ATP9A: variants seen among roughly 807,000 people sequenced by gnomAD.
The protein encoded by ATP9A is probable phospholipid-transporting ATPase IIA.
ATP9A carries 52 observed loss-of-function variants against 144.1 expected under a neutral mutation model. The observed-to-expected ratio is 0.36, with a 90% confidence interval of 0.29 to 0.45. ATP9A has a LOEUF of 0.45. Among genes scored for constraint, ATP9A ranks in the 20% least tolerant of loss-of-function variants. The pLI is 1.00. For missense variants in ATP9A, 947 were observed against 1,392.7 expected, an observed-to-expected ratio of 0.68 and a Z score of 5.09; for synonymous variants, 582 against 557.4, an observed-to-expected ratio of 1.04 and a Z score of -0.62.
chr20:51,713,031 TC>T lies in ATP9A; in HGVS notation c.370del (p.Glu124ArgfsTer25), dbSNP rs778873289. On this transcript the variant is annotated frameshift_variant, in exon 4 of 28. Coordinates refer to ENST00000338821, the MANE Select transcript of ATP9A (RefSeq NM_006045.3). LOFTEE classifies it high-confidence loss of function. ...CTTGTCCCGCACGTAGCATCGGATC[TC>T]CTCCACCGCCTCACGGATGACAGTG... ...AVTVIREAVE[E>X]IRCYVRDKEV... The T allele has an allele frequency of 6.2e-7, 1 of 1,613,126 alleles. No homozygotes were observed. The highest frequency in any genetic ancestry group is 8.5e-7 in the Non-Finnish European group (1 of 1,179,698).
chr20:51,763,514 T>C (rs938017648), intron 1 of ATP9A, among the ~76,000 whole-genome samples: 30 of 147,468 alleles, frequency 2.0e-4, no homozygotes, highest in African/African-American at 6.1e-4. Flanking sequence ...GGGTTTCACT[T>C]GTGTTAGCCA....
intron 8 of ATP9A, among the ~76,000 whole-genome samples, chr20:51,689,477 TAGAAAG>T (rs1209962718): frequency 6.6e-6 from 1 of 151,886 alleles, no homozygotes; most frequent in African/African-American, 2.4e-5. Flanking sequence ...TTGTGGCTTA[TAGAAAG>T]AGAATGTGGA....
At chr20:51,718,422 A>T (rs1396503292) in intron 3 of ATP9A, among the ~76,000 whole-genome samples, 1 of 151,824 alleles carries the variant, frequency 6.6e-6, no homozygotes, top group Non-Finnish European at 1.5e-5. Flanking sequence ...ATATTTCTCC[A>T]ATATCATGCG....
intron 4 of ATP9A, among the ~76,000 whole-genome samples, chr20:51,709,492 G>A (rs186543256): frequency 1.3e-5 from 2 of 152,258 alleles, no homozygotes; most frequent in East Asian, 1.9e-4. Context: ...TCCAGCCTGC[G>A]CGAGGGGGTT....
rs1410922247 is a variant in ATP9A at position 51,600,243 on chromosome 20, A to C, written c.*968T>G. ...AGGAAACAGGCTTCTATGGAAGAGA[A>C]GAGTCCCAGCCCCCTGACCTTTCCG... is the stretch of plus-strand genomic sequence containing the variant. On this transcript the variant is annotated 3_prime_UTR_variant, in exon 28 of 28. Transcript: ENST00000338821. 6.6e-6 allele frequency: 1 copy of C among 152,226 alleles called. No homozygotes were observed. The highest frequency in any genetic ancestry group is 1.5e-5 in the Non-Finnish European group (1 of 68,048). The allele number at this position is 152,226 out of a possible 1,614,324, so 9.4% of individuals were successfully genotyped here.
At chr20:51,763,513 T>C (rs541527357) in intron 1 of ATP9A, among the ~76,000 whole-genome samples, 61 of 147,386 alleles carry the variant, frequency 4.1e-4, no homozygotes, top group African/African-American at 1.4e-3. Context: ...GGGGTTTCAC[T>C]TGTGTTAGCC....
At chr20:51,671,313 T>A in intron 11 of ATP9A, 56 bp from the exon 12 acceptor site, 2 of 1,577,922 alleles carry the variant, frequency 1.3e-6, no homozygotes, top group Non-Finnish European at 1.7e-6. Flanking sequence ...GCTCCTTGTA[T>A]CTTTATAAAA....
intron 2 of ATP9A, among the ~76,000 whole-genome samples, chr20:51,726,860 T>C (rs1413758922): frequency 7.0e-6 from 1 of 143,044 alleles, no homozygotes; most frequent in Non-Finnish European, 1.5e-5. Context: ...ATTACAGACC[T>C]AAGCCACTGC....
At chr20:51,695,765 A>G (rs963307147) in intron 6 of ATP9A, among the ~76,000 whole-genome samples, 2 of 152,214 alleles carry the variant, frequency 1.3e-5, no homozygotes, top group African/African-American at 4.8e-5. Context: ...GTTTACTTCT[A>G]CATGGTAGAG....
chr20:51,745,411 A>G (rs2077803807), intron 1 of ATP9A, among the ~76,000 whole-genome samples: 2 of 147,024 alleles, frequency 1.4e-5, no homozygotes, highest in Admixed American at 1.4e-4. Context: ...CTCCAGCCAG[A>G]GTGAGATTCT....
chr20:51,634,402 C>T (rs978663771), intron 15 of ATP9A, among the ~76,000 whole-genome samples: 3 of 152,180 alleles, frequency 2.0e-5, no homozygotes, highest in Non-Finnish European at 4.4e-5. Context: ...ATCAGATGCA[C>T]ACTCAAGATA....
intron 1 of ATP9A, among the ~76,000 whole-genome samples, chr20:51,731,219 G>A (rs768187361): frequency 5.3e-5 from 8 of 151,808 alleles, no homozygotes; most frequent in Non-Finnish European, 1.0e-4. Context: ...CAGGAGAATC[G>A]CTTGAACCCA....
intron 23 of ATP9A, among the ~76,000 whole-genome samples, chr20:51,610,826 C>T (rs1009221954): frequency 3.3e-5 from 5 of 152,104 alleles, no homozygotes; most frequent in South Asian, 2.1e-4. Flanking sequence ...TTACATGTTT[C>T]GGTATTTGGG....
At chr20:51,605,452 T>C (rs2077159414) in intron 26 of ATP9A, among the ~76,000 whole-genome samples, 3 of 152,066 alleles carry the variant, frequency 2.0e-5, no homozygotes. Context: ...AGCCCGTCTC[T>C]ACAAAAAATA....
intron 1 of ATP9A, among the ~76,000 whole-genome samples, chr20:51,750,572 G>A (rs1479598192): frequency 6.6e-6 from 1 of 152,204 alleles, no homozygotes; most frequent in Non-Finnish European, 1.5e-5. Context: ...TGCTGAGTGT[G>A]TGCCAAGCGC....
At chr20:51,633,932 G>C (rs1015188615) in intron 15 of ATP9A, among the ~76,000 whole-genome samples, 16 of 151,420 alleles carry the variant, frequency 1.1e-4, no homozygotes, top group African/African-American at 3.4e-4. Flanking sequence ...GGGAGAGAGA[G>C]AGGGAGGGCA....
chr20:51,638,069 TTTTATATA>T lies in ATP9A; in HGVS notation c.1668+1266_1668+1273del, dbSNP rs1461860413. Among the ~76,000 whole-genome samples, 405 of 73,076 alleles carry T rather than the reference TTTTATATA, an allele frequency of 5.5e-3. 17 individuals carry two copies. Among genetic ancestry groups the T allele is most frequent in the East Asian group, 0.013 (35 of 2,634 alleles). 47.9% of individuals were successfully genotyped at this position (73,076 alleles called of 152,430 possible). A position where few individuals can be genotyped will look rare whatever the true frequency, so the allele number is the denominator to read the frequency against. On this transcript the variant is annotated intron_variant, in intron 15 of 27. Transcript: ENST00000338821. ...TCCATGGCTAAGTAGCATTTCATCATTTTATATATATATATATATATATATATATATAT... is the reference window on the plus strand; with the variant it reads ...TCCATGGCTAAGTAGCATTTCATCATTATATATATATATATATATATATAT...
intron 7 of ATP9A, among the ~76,000 whole-genome samples, chr20:51,693,241 C>CGAT (rs1436287220): frequency 6.6e-6 from 1 of 152,200 alleles, no homozygotes; most frequent in Admixed American, 6.5e-5. Flanking sequence ...AGAGCCTCTC[C>CGAT]GATAAGGAGA....
At chr20:51,719,749 G>GAAAAAAAAA (rs1343871320) in intron 3 of ATP9A, among the ~76,000 whole-genome samples, 2 of 128,580 alleles carry the variant, frequency 1.6e-5, no homozygotes, top group Admixed American at 7.7e-5. Flanking sequence ...AAAAAAAGGG[G>GAAAAAAAAA]GGGGAAGAAG....
Sources: allele counts gnomAD v4.1 joint callset (sites outside exome capture counted in the v4.1 genomes callset), GRCh38; gene constraint gnomAD v4.1.1; transcripts MANE v1.5; gene names NCBI Gene and HGNC (gene_info 2026-07-23, HGNC 2026-07-21).